The following RUNX1 variants were observed in gnomAD, a reference collection of about 807,000 sequenced individuals.
RUNX1 encodes the protein RUNX family transcription factor 1.
In RUNX1, 19 loss-of-function variants were observed where a neutral mutation model predicts 42.8. The observed-to-expected ratio is 0.44, with a 90% CI of 0.31 to 0.65. The LOEUF (loss-of-function observed/expected upper bound fraction) is 0.65. Ranked by LOEUF, RUNX1 falls within the 30% of genes least tolerant of loss-of-function variation. The pLI is 0.07. For synonymous variants in RUNX1, 271 were observed against 289.4 expected (o/e 0.94, Z 0.64); for missense variants, 528 against 672.0 (o/e 0.79, Z 2.37).
chr21:34,790,584 GACATGAATCTTTCCTGTC>G lies in RUNX1; in HGVS notation c.*1533_*1550del, dbSNP rs1253425313. The G allele has an allele frequency of 8.6e-6, 2 of 233,242 alleles. No individual in the cohort carries two copies. Among genetic ancestry groups the G allele is most frequent in the Admixed American group, 5.6e-5 (1 of 17,776 alleles). The allele number at this position is 233,242 out of a possible 1,614,324, so 14.4% of individuals were successfully genotyped here. ...TTGAATTGTAGCCACGGACAGTAGTGACATGAATCTTTCCTGTCACACTGGTGCACAGGTAAAAGCCCA... is the reference window on the plus strand; with the variant it reads ...TTGAATTGTAGCCACGGACAGTAGTGACACTGGTGCACAGGTAAAAGCCCA... On this transcript the variant is annotated 3_prime_UTR_variant, in exon 9 of 9. Transcript: ENST00000675419.
intron 2 of RUNX1, among the ~76,000 whole-genome samples, chr21:35,036,916 A>G (rs1277918674): frequency 6.6e-6 from 1 of 152,086 alleles, no homozygotes; most frequent in Non-Finnish European, 1.5e-5. Flanking sequence ...GGGGTGGTCC[A>G]CCCCTGAAGG....
At chr21:34,976,947 T>C (rs1267377124) in intron 2 of RUNX1, among the ~76,000 whole-genome samples, 1 of 152,206 alleles carries the variant, frequency 6.6e-6, no homozygotes, top group Non-Finnish European at 1.5e-5. Context: ...AAGTCTTGAA[T>C]TTACTCTTGC....
At chr21:34,891,320 C>A (rs1399750234) in intron 3 of RUNX1, among the ~76,000 whole-genome samples, 1 of 152,204 alleles carries the variant, frequency 6.6e-6, no homozygotes, top group Non-Finnish European at 1.5e-5. Flanking sequence ...AGCTTTTGCT[C>A]CTTGACTCGA....
Position 34,884,954 on chromosome 21 carries a change from T to C in RUNX1, c.351+1889A>G, listed in dbSNP as rs536041622. Among the ~76,000 whole-genome samples the C allele has an allele frequency of 3.9e-5, 6 of 152,320 alleles. No homozygotes were observed. The South Asian group carries it at 1.2e-3, about 32-fold the overall frequency. On this transcript the variant is annotated intron_variant, in intron 4 of 8. Coordinates refer to ENST00000675419, the MANE Select transcript of RUNX1 (RefSeq NM_001754.5). ...TTTAAAAAGGAAACTCTATGGTTAT[T>C]ATGGTTTCTGCTAGAAAGAATTCTG...
At chr21:34,946,371 A>G (rs2058563178) in intron 2 of RUNX1, among the ~76,000 whole-genome samples, 1 of 152,162 alleles carries the variant, frequency 6.6e-6, no homozygotes, top group Non-Finnish European at 1.5e-5. Flanking sequence ...GGTTCAGATC[A>G]CATAGCACAT....
intron 2 of RUNX1, among the ~76,000 whole-genome samples, chr21:35,002,553 G>A (rs2059054226): frequency 6.6e-6 from 1 of 151,818 alleles, no homozygotes; most frequent in African/African-American, 2.4e-5. Context: ...TCAGCCTCCC[G>A]AGTAGCTGGG....
At chr21:34,978,733 T>G (rs2058822498) in intron 2 of RUNX1, among the ~76,000 whole-genome samples, 1 of 152,078 alleles carries the variant, frequency 6.6e-6, no homozygotes, top group African/African-American at 2.4e-5. Context: ...CTGTAGAGGG[T>G]AATTGAAGGA....
At chr21:34,978,339 TTCTACAGAAC>T (rs1301264767) in intron 2 of RUNX1, among the ~76,000 whole-genome samples, 1 of 152,370 alleles carries the variant, frequency 6.6e-6, no homozygotes, top group African/African-American at 2.4e-5. Context: ...TACGTTAGTT[TTCTACAGAAC>T]TCAAAAATAA....
chr21:35,036,966 A>G (rs139853447), intron 2 of RUNX1, among the ~76,000 whole-genome samples: 2 of 152,152 alleles, frequency 1.3e-5, no homozygotes, highest in Admixed American at 1.3e-4. Context: ...TGGGTACATC[A>G]CTCTGTGGTT....
intron 8 of RUNX1, among the ~76,000 whole-genome samples, chr21:34,794,812 C>A (rs1480493611): frequency 2.0e-5 from 3 of 152,198 alleles, no homozygotes; most frequent in Admixed American, 6.5e-5. Context: ...CTGTCTCGTT[C>A]ATCGTAGGAT....
intron 2 of RUNX1, among the ~76,000 whole-genome samples, chr21:34,992,918 T>C (rs1279445283): frequency 1.3e-5 from 2 of 152,106 alleles, no homozygotes; most frequent in East Asian, 3.9e-4. Flanking sequence ...GGAGGATGAC[T>C]GTGCAGGCAG....
chr21:34,896,539 C>T (rs1238571263), intron 2 of RUNX1, among the ~76,000 whole-genome samples: 1 of 152,086 alleles, frequency 6.6e-6, no homozygotes, highest in African/African-American at 2.4e-5. Context: ...AAAAATTAGC[C>T]AGACATGGTG....
At chr21:34,910,614 T>G (rs1262150925) in intron 2 of RUNX1, among the ~76,000 whole-genome samples, 1 of 152,168 alleles carries the variant, frequency 6.6e-6, no homozygotes. Flanking sequence ...TGAAGCCCTC[T>G]TCAGATGCTG....
intron 2 of RUNX1, among the ~76,000 whole-genome samples, chr21:34,993,112 C>T (rs2058958395): frequency 6.6e-6 from 1 of 152,198 alleles, no homozygotes; most frequent in Non-Finnish European, 1.5e-5. Flanking sequence ...ATCTGGCGGA[C>T]GCCATCACCT....
intron 2 of RUNX1, among the ~76,000 whole-genome samples, chr21:34,955,541 AC>A (rs1355572469): frequency 6.6e-6 from 1 of 152,166 alleles, no homozygotes; most frequent in African/African-American, 2.4e-5. Context: ...ACTGAATGTA[AC>A]CCGATTTGAC....
At chr21:34,848,492 T>A (rs2057348586) in intron 6 of RUNX1, among the ~76,000 whole-genome samples, 2 of 152,210 alleles carry the variant, frequency 1.3e-5, no homozygotes, top group African/African-American at 2.4e-5. Flanking sequence ...TGGAGTGCAG[T>A]GGAGCAATCT....
At chr21:34,884,334 G>C (rs2057949256) in intron 4 of RUNX1, among the ~76,000 whole-genome samples, 1 of 152,130 alleles carries the variant, frequency 6.6e-6, no homozygotes, top group Admixed American at 6.6e-5. Flanking sequence ...TGACGTAGAG[G>C]ATTTACCTAC....
At chr21:34,997,688 T>G (rs2059007268) in intron 2 of RUNX1, among the ~76,000 whole-genome samples, 1 of 152,238 alleles carries the variant, frequency 6.6e-6, no homozygotes, top group African/African-American at 2.4e-5. Context: ...TCTTTCTGTG[T>G]GGAGATGCTT....
chr21:34,930,111 T>C (rs1471384902), intron 2 of RUNX1, among the ~76,000 whole-genome samples: 1 of 145,752 alleles, frequency 6.9e-6, no homozygotes, highest in Non-Finnish European at 1.5e-5. Flanking sequence ...TAAATATATA[T>C]ATTTGAATTT....
Sources: allele counts gnomAD v4.1 joint callset (sites outside exome capture counted in the v4.1 genomes callset), GRCh38; gene constraint gnomAD v4.1.1; transcripts MANE v1.5; gene names NCBI Gene and HGNC (gene_info 2026-07-23, HGNC 2026-07-21).